LPCAT3: variants seen among roughly 807,000 people sequenced by gnomAD.
LPCAT3 encodes the protein lysophosphatidylcholine acyltransferase 3.
LPCAT3 carries 21 observed loss-of-function variants against 63.4 expected under a neutral mutation model. The ratio of observed to expected loss-of-function variants is 0.33; its 90% CI spans 0.23 to 0.48. The LOEUF is 0.48. Among genes scored for constraint, LPCAT3 ranks in the 20% least tolerant of loss-of-function variants. The pLI, the probability that LPCAT3 is intolerant of heterozygous loss-of-function variation, is 0.99. For synonymous variants in LPCAT3, 242 were observed against 227.5 expected, an observed-to-expected ratio of 1.06 and a Z score of -0.58; for missense variants, 451 against 590.6, an observed-to-expected ratio of 0.76 and a Z score of 2.45.
intron 1 of LPCAT3, among the ~76,000 whole-genome samples, chr12:6,997,712 A>G (rs1406258239): frequency 1.3e-5 from 2 of 151,022 alleles, no homozygotes; most frequent in African/African-American, 4.9e-5. Context: ...TCAGCCTCCC[A>G]AGTAGCTGGG....
chr12:6,977,117 T>C lies in LPCAT3; in HGVS notation c.*12+17A>G, dbSNP rs782288020. 7.0e-7 allele frequency: 1 copy of C among 1,426,362 alleles called. No homozygotes were observed. Among genetic ancestry groups the C allele is most frequent in the Non-Finnish European group, 9.9e-7 (1 of 1,009,742 alleles). 88.4% of individuals were successfully genotyped at this position (1,426,362 alleles called of 1,614,324 possible). On this transcript the variant is annotated intron_variant, in intron 12 of 12. Coordinates refer to ENST00000261407, the MANE Select transcript of LPCAT3 (RefSeq NM_005768.6). This position sits in a 1 kb window ranked among gnomAD's most constrained non-coding sequence, Gnocchi z 4.5. ...CTGTAACCTGGTGGTAGTTTTAGTT[T>C]AGCTGTATTAACTTACCAGGGAAAT...
Position 6,976,281 on chromosome 12 carries a change from TG to T in LPCAT3, c.*622del, listed in dbSNP as rs1214273780. 7.2e-5 allele frequency: 11 copies of T among 152,454 alleles called. No individual in the cohort carries two copies. The highest frequency in any genetic ancestry group is 1.9e-4 in the East Asian group (1 of 5,148). The allele number at this position is 152,454 out of a possible 1,614,324, so 9.4% of individuals were successfully genotyped here. A position where few individuals can be genotyped will look rare whatever the true frequency, so the allele number is the denominator to read the frequency against. ...CCTTGCACCCCTCTCCACCCCCCCA[TG>T]GGGGGGGTGGTGGTAGCGGCACATA... On this transcript the variant is annotated 3_prime_UTR_variant, in exon 13 of 13. Transcript: ENST00000261407.
chr12:6,993,629 C>A (rs1014440046), intron 1 of LPCAT3, among the ~76,000 whole-genome samples: 1 of 152,218 alleles, frequency 6.6e-6, no homozygotes, highest in South Asian at 2.1e-4. Flanking sequence ...ATATAAATGG[C>A]GTCAGGCAAT....
At chr12:7,000,384 G>C (rs1231773867) in intron 1 of LPCAT3, among the ~76,000 whole-genome samples, 1 of 150,606 alleles carries the variant, frequency 6.6e-6, no homozygotes, top group Non-Finnish European at 1.5e-5. Flanking sequence ...TCAGGAGATC[G>C]AGACCATCCT....
Position 7,012,392 on chromosome 12 carries a change from T to C in LPCAT3, c.151+5882A>G, listed in dbSNP as rs374364353. ...GCAGAACTCAGTGTGACTTACTCAATCTTTGTAGGGCTGACTTTCCTATCT... is the reference window on the plus strand; with the variant it reads ...GCAGAACTCAGTGTGACTTACTCAACCTTTGTAGGGCTGACTTTCCTATCT... On this transcript the variant is annotated intron_variant, in intron 1 of 12. Transcript: ENST00000261407. Among the ~76,000 whole-genome samples the C allele has an allele frequency of 1.3e-4, 15 of 117,696 alleles. No homozygotes were observed. The East Asian group carries it at 3.2e-3, about 25-fold the overall frequency. 77.2% of individuals were successfully genotyped at this position (117,696 alleles called of 152,430 possible).
chr12:6,982,889 T>C (rs1591547620), intron 2 of LPCAT3, 107 bp from the exon 3 acceptor site: 11 of 714,910 alleles, frequency 1.5e-5, no homozygotes, highest in East Asian at 5.4e-5. Flanking sequence ...TCAGGATCTT[T>C]TTTTTCAGAA....
chr12:7,001,864 G>C (rs969566819), intron 1 of LPCAT3, among the ~76,000 whole-genome samples: 1 of 152,114 alleles, frequency 6.6e-6, no homozygotes, highest in African/African-American at 2.4e-5. Context: ...AAGGGGAGGA[G>C]AAAAAGAGTC....
chr12:6,994,382 A>G (rs1456808934), intron 1 of LPCAT3, among the ~76,000 whole-genome samples: 2 of 151,066 alleles, frequency 1.3e-5, no homozygotes, highest in African/African-American at 4.9e-5. Context: ...TAATTTTTGT[A>G]TTTTCAGTAG....
chr12:7,003,898 C>T (rs901882996), intron 1 of LPCAT3, among the ~76,000 whole-genome samples: 7 of 141,742 alleles, frequency 4.9e-5, no homozygotes, highest in East Asian at 4.6e-4. Flanking sequence ...GTCCGCAGTC[C>T]GGCCTGGGCG....
chr12:7,015,071 GTAAAA>G (rs1555157505), intron 1 of LPCAT3, among the ~76,000 whole-genome samples: 1 of 152,138 alleles, frequency 6.6e-6, no homozygotes, highest in East Asian at 1.9e-4. Context: ...GGGTCACAAT[GTAAAA>G]CATATTTCTT....
At chr12:7,016,175 C>T (rs781992011) in intron 1 of LPCAT3, among the ~76,000 whole-genome samples, 2 of 151,452 alleles carry the variant, frequency 1.3e-5, no homozygotes, top group Admixed American at 1.3e-4. Context: ...CTCACTGTAG[C>T]CTCAAACTTC....
At chr12:7,007,569 A>T (rs1946735118) in intron 1 of LPCAT3, among the ~76,000 whole-genome samples, 1 of 136,366 alleles carries the variant, frequency 7.3e-6, no homozygotes, top group South Asian at 2.2e-4. Context: ...ATCTCGGCTC[A>T]CTGCAACCTC....
At chr12:6,980,209 G>C (rs1946456091) in intron 6 of LPCAT3, among the ~76,000 whole-genome samples, 1 of 152,028 alleles carries the variant, frequency 6.6e-6, no homozygotes, top group South Asian at 2.1e-4. Flanking sequence ...CACCTTGCCT[G>C]GATAATTTTT....
intron 1 of LPCAT3, among the ~76,000 whole-genome samples, chr12:6,994,617 C>A (rs1555155855): frequency 6.6e-6 from 1 of 152,124 alleles, no homozygotes. Flanking sequence ...CAGGTGTGCA[C>A]AGGACCGGCT....
chr12:6,982,536 T>C, intron 3 of LPCAT3, 140 bp downstream of exon 3: 4 of 638,722 alleles, frequency 6.3e-6, no homozygotes, highest in Non-Finnish European at 1.1e-5. Context: ...ATAAGCCACC[T>C]ACCTGAAGTC....
intron 1 of LPCAT3, among the ~76,000 whole-genome samples, chr12:7,001,935 A>AGATGT (rs1555156542): frequency 6.6e-6 from 1 of 152,100 alleles, no homozygotes; most frequent in East Asian, 1.9e-4. Context: ...GAAGGGAGTG[A>AGATGT]GATGTGGGAG....
chr12:6,999,122 A>G (rs1946662188), intron 1 of LPCAT3, among the ~76,000 whole-genome samples: 1 of 152,218 alleles, frequency 6.6e-6, no homozygotes, highest in Non-Finnish European at 1.5e-5. Context: ...AAGCACACCC[A>G]TTTTTATGTT....
intron 1 of LPCAT3, among the ~76,000 whole-genome samples, chr12:7,005,113 C>A (rs1400838048): frequency 2.0e-5 from 3 of 152,206 alleles, no homozygotes; most frequent in African/African-American, 7.2e-5. Context: ...TTCCTCTTAT[C>A]CCCTAGCAAC....
At chr12:6,986,599 A>G (rs1946528422) in intron 1 of LPCAT3, among the ~76,000 whole-genome samples, 1 of 151,924 alleles carries the variant, frequency 6.6e-6, no homozygotes, top group South Asian at 2.1e-4. Flanking sequence ...CCTGGCTAAC[A>G]TGGTGAAATT....
Sources: allele counts gnomAD v4.1 joint callset (sites outside exome capture counted in the v4.1 genomes callset), GRCh38; gene constraint gnomAD v4.1.1; non-coding constraint Gnocchi (gnomAD v3.1); transcripts MANE v1.5; gene names NCBI Gene and HGNC (gene_info 2026-07-23, HGNC 2026-07-21).